Variants in MAPT observed in about 807,000 individuals in gnomAD.
MAPT encodes microtubule-associated protein tau.
Under a neutral mutation model 67.9 loss-of-function variants are expected in MAPT, and 34 were observed. That is an observed-to-expected ratio of 0.50 (90% CI 0.38 to 0.67). The LOEUF (loss-of-function observed/expected upper bound fraction) is 0.67, where lower values mean the gene tolerates loss of function less well. Ranked by LOEUF, MAPT falls within the 30% of genes least tolerant of loss-of-function variation. The pLI, the probability that MAPT is intolerant of heterozygous loss-of-function variation, is 0.00. For missense variants in MAPT, 881 were observed against 1,115.2 expected, an observed-to-expected ratio of 0.79 and a Z score of 2.99; for synonymous variants, 456 against 464.5, an observed-to-expected ratio of 0.98 and a Z score of 0.23.
At chr17:45,921,927 C>T (rs777722871) in intron 1 of MAPT, among the ~76,000 whole-genome samples, 4 of 151,968 alleles carry the variant, frequency 2.6e-5, no homozygotes, top group Admixed American at 6.5e-5. Flanking sequence ...CACCTAAGCC[C>T]GGGACCCTCA....
Position 46,024,238 on chromosome 17 carries a change from T to A in MAPT, c.*67T>A. The A allele has an allele frequency of 7.1e-7, 1 of 1,415,674 alleles. No homozygotes were observed. Among genetic ancestry groups the A allele is most frequent in the Non-Finnish European group, 9.8e-7 (1 of 1,016,304 alleles). 87.7% of individuals were successfully genotyped at this position (1,415,674 alleles called of 1,614,324 possible). A position where few individuals can be genotyped will look rare whatever the true frequency, so the allele number is the denominator to read the frequency against. The stretch of plus-strand genomic sequence containing the variant: ...TGAGAGAGTGTGGAAAAAAAAAGAA[T>A]AATGACCCGGCCCCCGCCCTCTGCC... On this transcript the variant is annotated 3_prime_UTR_variant, in exon 13 of 13. Transcript: ENST00000262410.
At chr17:45,895,319 A>T (rs546979267) in intron 1 of MAPT, 15 of 152,080 alleles carry the variant, frequency 9.9e-5, no homozygotes, top group African/African-American at 3.4e-4. Flanking sequence ...CGTAGGGGAC[A>T]TTTGGGGGCT....
intron 9 of MAPT, among the ~76,000 whole-genome samples, chr17:46,002,968 G>A (rs1038346605): frequency 1.2e-4 from 19 of 152,064 alleles, no homozygotes; most frequent in Non-Finnish European, 2.5e-4. Context: ...ATTTTTTGTA[G>A]AGATGGGGTT....
rs186942083 is a variant in MAPT at position 45,941,733 on chromosome 17, T to G, written c.-17-20588T>G. On this transcript the variant is annotated intron_variant, in intron 1 of 12. Transcript: ENST00000262410. ...TTCCTTCCTTCCTTCCTTCCTTCCTTCCTTCCTTCCTTCCTTCCTTCCTGG... is the reference window on the plus strand; with the variant it reads ...TTCCTTCCTTCCTTCCTTCCTTCCTGCCTTCCTTCCTTCCTTCCTTCCTGG... Among the ~76,000 whole-genome samples, 533 of 59,578 alleles carry G rather than the reference T, an allele frequency of 8.9e-3. 10 individuals carry two copies. Among genetic ancestry groups the G allele is most frequent in the East Asian group, 0.039 (46 of 1,194 alleles). The allele number at this position is 59,578 out of a possible 152,430, so 39.1% of individuals were successfully genotyped here. A position where few individuals can be genotyped will look rare whatever the true frequency, so the allele number is the denominator to read the frequency against.
At chr17:46,012,759 C>A (rs1197483959) in intron 10 of MAPT, among the ~76,000 whole-genome samples, 2 of 151,812 alleles carry the variant, frequency 1.3e-5, no homozygotes, top group South Asian at 2.1e-4. Context: ...CCCAGCCCCC[C>A]TCCCCCTCTC....
At chr17:45,989,301 C>G (rs969464755) in intron 6 of MAPT, among the ~76,000 whole-genome samples, 11 of 152,206 alleles carry the variant, frequency 7.2e-5, no homozygotes, top group African/African-American at 2.7e-4. Context: ...TAACATCCAA[C>G]AGGCTGGAGA....
intron 4 of MAPT, chr17:45,978,743 G>A (rs909137018): frequency 1.3e-4 from 46 of 365,858 alleles, no homozygotes; most frequent in Non-Finnish European, 2.2e-4. Context: ...GGTGGCTCAC[G>A]CCTCTAATCC....
At chr17:45,979,749 T>C (rs2072755151) in intron 4 of MAPT, 1 of 152,206 alleles carries the variant, frequency 6.6e-6, no homozygotes, top group African/African-American at 2.4e-5. Context: ...TAGAAATCAT[T>C]GCTTTTCATA....
chr17:45,917,281 A>C (rs1038762527), intron 1 of MAPT, among the ~76,000 whole-genome samples: 1 of 152,164 alleles, frequency 6.6e-6, no homozygotes, highest in South Asian at 2.1e-4. Flanking sequence ...TGAGTAACCA[A>C]CGCTAAGGTC....
At chr17:45,937,137 A>C (rs968929092) in intron 1 of MAPT, among the ~76,000 whole-genome samples, 35 of 152,348 alleles carry the variant, frequency 2.3e-4, no homozygotes, top group African/African-American at 7.7e-4. Context: ...GCCAATGTGC[A>C]CTGCTCTCCT....
intron 1 of MAPT, among the ~76,000 whole-genome samples, chr17:45,913,111 C>T (rs910805241): frequency 6.6e-6 from 1 of 152,182 alleles, no homozygotes; most frequent in Admixed American, 6.5e-5. Flanking sequence ...AAGACATACC[C>T]GAGACTGGGG....
chr17:45,988,637 C>T (rs916542283), intron 6 of MAPT, among the ~76,000 whole-genome samples: 1 of 152,068 alleles, frequency 6.6e-6, no homozygotes, highest in African/African-American at 2.4e-5. Context: ...AAAGAGATAA[C>T]ATTGGAGGCT....
intron 1 of MAPT, among the ~76,000 whole-genome samples, chr17:45,930,674 T>C (rs1189929897): frequency 6.6e-6 from 1 of 152,212 alleles, no homozygotes; most frequent in African/African-American, 2.4e-5. Flanking sequence ...ACCTCCTGCT[T>C]AATTTTTTAA....
chr17:45,980,881 A>G (rs899726458), intron 4 of MAPT, among the ~76,000 whole-genome samples: 1 of 152,186 alleles, frequency 6.6e-6, no homozygotes, highest in Non-Finnish European at 1.5e-5. Context: ...AGAGACTGAC[A>G]AAGGGCTCCC....
intron 1 of MAPT, among the ~76,000 whole-genome samples, chr17:45,956,402 T>C (rs1417478136): frequency 2.6e-5 from 4 of 151,942 alleles, no homozygotes; most frequent in African/African-American, 9.7e-5. Context: ...CTTCAGAGGC[T>C]CTCTCCAAAG....
chr17:46,010,385 G>A lies in MAPT; in HGVS notation c.2074G>A (p.Val692Ile), dbSNP rs116733906. Residue 692 changes from valine (V) to isoleucine (I), a missense_variant, in exon 10 of 13, where the codon GTC (valine) becomes ATC (isoleucine). Physicochemically the swap from Val to Ile is conservative, Grantham distance 29. This residue lies in a region of MAPT where 34 missense variants were observed against 51.2 expected (regional missense o/e 0.66). Transcript: ENST00000262410. This position sits in a 1 kb window ranked among gnomAD's most constrained non-coding sequence, Gnocchi z 4.7. Reference sequence around the variant, plus strand: ...TGGCTCAAAGGATAATATCAAACACGTCCCGGGAGGCGGCAGTGTGAGTAC... The same window carrying A: ...TGGCTCAAAGGATAATATCAAACACATCCCGGGAGGCGGCAGTGTGAGTAC... Reference protein sequence around the residue: ...KCGSKDNIKHVPGGGSVQIVY... With the variant: ...KCGSKDNIKHIPGGGSVQIVY... The A allele has an allele frequency of 2.0e-4, 323 of 1,576,696 alleles. 2 individuals carry two copies. In the African/African-American group the frequency reaches 3.7e-3, roughly 18 times the overall value.
At chr17:46,000,173 A>G (rs1025180493) in intron 9 of MAPT, among the ~76,000 whole-genome samples, 4 of 152,236 alleles carry the variant, frequency 2.6e-5, no homozygotes, top group African/African-American at 9.6e-5. Flanking sequence ...CCAAAGGGAA[A>G]AGAGCAGGAG....
At chr17:45,937,290 A>C (rs928518274) in intron 1 of MAPT, among the ~76,000 whole-genome samples, 2 of 151,986 alleles carry the variant, frequency 1.3e-5, no homozygotes, top group Admixed American at 6.6e-5. Flanking sequence ...GACAGGGGAG[A>C]GAAGGGAGGG....
At chr17:45,955,314 T>A (rs2069516178) in intron 1 of MAPT, among the ~76,000 whole-genome samples, 2 of 152,296 alleles carry the variant, frequency 1.3e-5, no homozygotes, top group Admixed American at 6.5e-5. Flanking sequence ...TCTAGTATTT[T>A]CTCAAATACA....
Sources: gnomAD v4.1 joint callset for allele counts (sites outside exome capture counted in the v4.1 genomes callset) on GRCh38, gnomAD v4.1.1 for gene constraint, gnomAD v4.1.1 regional missense constraint, Gnocchi (gnomAD v3.1) non-coding constraint, MANE v1.5 for transcripts, NCBI Gene and HGNC (gene_info 2026-07-23, HGNC 2026-07-21) for gene names.